SP100: variants seen among roughly 807,000 people sequenced by gnomAD.
SP100 encodes the protein SP100 nuclear body protein.
Under a neutral mutation model 130.0 loss-of-function variants are expected in SP100, and 84 were observed. The observed-to-expected ratio is 0.65, with a 90% CI of 0.54 to 0.77. The LOEUF (loss-of-function observed/expected upper bound fraction) is 0.77. Among genes scored for constraint, SP100 ranks in the 30% least tolerant of loss-of-function variants. The pLI is 0.00. For synonymous variants in SP100, 331 were observed against 351.7 expected (o/e 0.94, Z 0.66); for missense variants, 978 against 1,052.2 (o/e 0.93, Z 0.97).
chr2:230,455,414 C>G (rs933415526), intron 8 of SP100, among the ~76,000 whole-genome samples: 1 of 152,158 alleles, frequency 6.6e-6, no homozygotes, highest in Non-Finnish European at 1.5e-5. Flanking sequence ...CAAACTGTAT[C>G]TCATCTGACG....
chr2:230,527,855 G>A (rs999791541), intron 24 of SP100, among the ~76,000 whole-genome samples: 2 of 152,250 alleles, frequency 1.3e-5, no homozygotes, highest in Middle Eastern at 3.4e-3. Context: ...TAATGGTAAA[G>A]GAATCAGTTC....
Position 230,461,297 on chromosome 2 carries a change from A to G in SP100, c.856A>G (p.Ile286Val). 1 of 1,614,144 alleles carries G rather than the reference A, an allele frequency of 6.2e-7. No homozygotes were observed. Reference sequence around the variant, plus strand: ...AGAGCTACACAACCATGGAATCCAAATTAATTCCTGTTCTGTGCGACTGGT... The same window carrying G: ...AGAGCTACACAACCATGGAATCCAAGTTAATTCCTGTTCTGTGCGACTGGT... Reference protein sequence around the residue: ...EAELHNHGIQINSCSVRLVDI... With the variant: ...EAELHNHGIQVNSCSVRLVDI... The change falls in exon 9 of 29, where the codon ATT becomes GTT. Residue 286 changes from isoleucine to valine, a missense_variant. Transcript: ENST00000340126.
At chr2:230,420,286 G>A (rs967314085) in intron 2 of SP100, among the ~76,000 whole-genome samples, 6 of 152,100 alleles carry the variant, frequency 3.9e-5, no homozygotes, top group African/African-American at 1.4e-4. Context: ...ATATTGTCTT[G>A]TGTTTTTCTG....
In SP100 at chr2:230,449,301, C is replaced by T. The variant is rs758565823; in HGVS notation, c.586+151C>T. On this transcript the variant is annotated intron_variant, in intron 6 of 28. Coordinates refer to ENST00000340126, the MANE Select transcript of SP100 (RefSeq NM_001080391.2). ...CATTTCTGGGATTTAAATAACAAGT[C>T]CTTATCCTCTAGGTTGCCTAGGAGG... 1.7e-4 allele frequency: 146 copies of T among 864,250 alleles called. 1 individual carries two copies. The highest frequency in any genetic ancestry group is 1.3e-3 in the Middle Eastern group (6 of 4,666). The allele number at this position is 864,250 out of a possible 1,614,324, so 53.5% of individuals were successfully genotyped here. A position where few individuals can be genotyped will look rare whatever the true frequency, so the allele number is the denominator to read the frequency against.
chr2:230,498,475 A>G lies in SP100; in HGVS notation c.1660A>G (p.Arg554Gly), dbSNP rs2066821782. 1 of 1,510,864 alleles carries G rather than the reference A, an allele frequency of 6.6e-7. No homozygotes were observed. Among genetic ancestry groups the G allele is most frequent in the Non-Finnish European group, 8.8e-7 (1 of 1,137,550 alleles). 93.6% of individuals were successfully genotyped at this position (1,510,864 alleles called of 1,614,324 possible). A position where few individuals can be genotyped will look rare whatever the true frequency, so the allele number is the denominator to read the frequency against. ...NGLQRGRKKDRPRKHLTLNNK... is the reference protein window; with the variant it reads ...NGLQRGRKKDGPRKHLTLNNK... ...TATTTTCTCAGGGAGAAAGAAAGAC[A>G]GACCTAGAAAACATTTAACTCTGAA... The change falls in exon 19 of 29, where the codon AGA becomes GGA. Residue 554 changes from arginine (R) to glycine (G), a missense_variant. Transcript: ENST00000340126.
intron 21 of SP100, among the ~76,000 whole-genome samples, chr2:230,505,520 C>G (rs1483801267): frequency 1.3e-5 from 2 of 152,174 alleles, no homozygotes; most frequent in Admixed American, 1.3e-4. Context: ...GAACTTCCTT[C>G]TCTACAAAAT....
chr2:230,472,347 G>A (rs1559507434), intron 15 of SP100, among the ~76,000 whole-genome samples: 1 of 143,726 alleles, frequency 7.0e-6, no homozygotes, highest in Non-Finnish European at 1.5e-5. Context: ...AGAATGGCGT[G>A]AACCTTGGAG....
At chr2:230,468,191 G>A (rs2065058793) in intron 13 of SP100, among the ~76,000 whole-genome samples, 1 of 152,120 alleles carries the variant, frequency 6.6e-6, no homozygotes, top group Non-Finnish European at 1.5e-5. Flanking sequence ...AGTTATAGGA[G>A]GAGACAAGAC....
At chr2:230,514,915 C>G (rs1167651629) in intron 24 of SP100, 5 of 1,013,766 alleles carry the variant, frequency 4.9e-6, no homozygotes, top group Non-Finnish European at 6.9e-6. Context: ...GTCAAAAAAC[C>G]TACAAGAGAT....
chr2:230,469,394 C>T, intron 14 of SP100: 1 of 506,020 alleles, frequency 2.0e-6, no homozygotes, highest in Non-Finnish European at 3.9e-6. Context: ...GGGGCTCTGA[C>T]ATCTTTAAGA....
chr2:230,514,953 G>T lies in SP100; in HGVS notation c.2094+3787G>T. 18 of 1,398,184 alleles carry T rather than the reference G, an allele frequency of 1.3e-5. No homozygotes were observed. The South Asian group carries it at 2.6e-4, about 20-fold the overall frequency. 86.6% of individuals were successfully genotyped at this position (1,398,184 alleles called of 1,614,324 possible). ...CAGTACATTGAGCTCCATAGAGATAGTGCTGGCGCAAGTGAGAGCTGGACA... is the reference window on the plus strand; with the variant it reads ...CAGTACATTGAGCTCCATAGAGATATTGCTGGCGCAAGTGAGAGCTGGACA... On this transcript the variant is annotated intron_variant, in intron 24 of 28. Transcript: ENST00000340126.
intron 24 of SP100, among the ~76,000 whole-genome samples, chr2:230,522,837 C>A (rs192462888): frequency 5.3e-5 from 8 of 151,532 alleles, no homozygotes; most frequent in African/African-American, 1.9e-4. Flanking sequence ...TTTTTTGAGG[C>A]AGAGTCTCGC....
chr2:230,539,113 G>A lies in SP100; in HGVS notation c.2095-154G>A, dbSNP rs777592071. On this transcript the variant is annotated intron_variant, in intron 24 of 28. Transcript: ENST00000340126. ...CAGCCACTATCTACTGAACTTTGCCGCAGACCAAAATGTCTTCTGAGATCT... is the reference window on the plus strand; with the variant it reads ...CAGCCACTATCTACTGAACTTTGCCACAGACCAAAATGTCTTCTGAGATCT... The A allele has an allele frequency of 3.0e-4, 148 of 494,944 alleles. 3 individuals are homozygous for A. The highest frequency in any genetic ancestry group is 1.1e-4 in the Non-Finnish European group (29 of 270,698). 30.7% of individuals were successfully genotyped at this position (494,944 alleles called of 1,614,324 possible).
intron 19 of SP100, among the ~76,000 whole-genome samples, chr2:230,501,614 T>C (rs2067028505): frequency 6.6e-6 from 1 of 152,094 alleles, no homozygotes; most frequent in Admixed American, 6.6e-5. Flanking sequence ...AATCTCGTCA[T>C]AATTTGCTCA....
intron 24 of SP100, among the ~76,000 whole-genome samples, chr2:230,528,981 C>T (rs939425864): frequency 6.6e-6 from 1 of 152,146 alleles, no homozygotes; most frequent in African/African-American, 2.4e-5. Context: ...GATTCACAGC[C>T]CAATTCTACC....
At chr2:230,495,605 A>G (rs572642912) in intron 18 of SP100, among the ~76,000 whole-genome samples, 2 of 152,296 alleles carry the variant, frequency 1.3e-5, no homozygotes, top group African/African-American at 4.8e-5. Context: ...CAGGCAGTGA[A>G]CCAAACTCAA....
At chr2:230,540,100 C>G (rs1692109834) in intron 25 of SP100, among the ~76,000 whole-genome samples, 1 of 152,214 alleles carries the variant, frequency 6.6e-6, no homozygotes, top group Non-Finnish European at 1.5e-5. Context: ...GTTGGCCAAT[C>G]TGCAGAGGCA....
Position 230,473,306 on chromosome 2 carries a change from T to G in SP100, c.1430-18T>G, listed in dbSNP as rs1455837731. The G allele has an allele frequency of 6.3e-7, 1 of 1,576,910 alleles. No individual in the cohort carries two copies. Among genetic ancestry groups the G allele is most frequent in the Admixed American group, 1.7e-5 (1 of 59,760 alleles). Reference sequence around the variant, plus strand: ...GGGGAGTGGGCACAAATAAAAATGTTTACAAATCACAATTTAGGATCACAG... The same window carrying G: ...GGGGAGTGGGCACAAATAAAAATGTGTACAAATCACAATTTAGGATCACAG... On this transcript the variant is annotated intron_variant, in intron 15 of 28. Coordinates refer to ENST00000340126, the MANE Select transcript of SP100 (RefSeq NM_001080391.2).
intron 24 of SP100, among the ~76,000 whole-genome samples, chr2:230,532,634 G>A (rs1691752960): frequency 6.6e-6 from 1 of 152,114 alleles, no homozygotes; most frequent in Admixed American, 6.6e-5. Context: ...ATATCCACAA[G>A]TGTTTCACTG....
Sources: gnomAD v4.1 joint callset for allele counts (sites outside exome capture counted in the v4.1 genomes callset) on GRCh38, gnomAD v4.1.1 for gene constraint, MANE v1.5 for transcripts, NCBI Gene and HGNC (gene_info 2026-07-23, HGNC 2026-07-21) for gene names.